Variants in GRIN2B observed in about 807,000 individuals in gnomAD.
The protein encoded by GRIN2B is glutamate ionotropic receptor NMDA type subunit 2B.
Under a neutral mutation model 114.5 loss-of-function variants are expected in GRIN2B, and 5 were observed. That is an observed-to-expected ratio of 0.04 (90% CI 0.02 to 0.09). The LOEUF (loss-of-function observed/expected upper bound fraction) is 0.09. Among genes scored for constraint, GRIN2B ranks in the 10% least tolerant of loss-of-function variants. The pLI, the probability that GRIN2B is intolerant of heterozygous loss-of-function variation, is 1.00. For synonymous variants in GRIN2B, 787 were observed against 745.1 expected (o/e 1.06, Z -0.92); for missense variants, 1,108 against 1,943.5 (o/e 0.57, Z 8.08).
intron 4 of GRIN2B, among the ~76,000 whole-genome samples, chr12:13,736,637 C>T (rs1238772450): frequency 1.3e-5 from 2 of 152,238 alleles, no homozygotes; most frequent in African/African-American, 4.8e-5. Flanking sequence ...ATCTCACTTA[C>T]ACTATCAGTC....
At chr12:13,823,525 T>G (rs1864976487) in intron 3 of GRIN2B, among the ~76,000 whole-genome samples, 2 of 152,152 alleles carry the variant, frequency 1.3e-5, no homozygotes, top group Non-Finnish European at 2.9e-5. Flanking sequence ...CTTGTAATCT[T>G]CCTAAATTCA....
At chr12:13,684,051 T>C (rs1045345170) in intron 4 of GRIN2B, among the ~76,000 whole-genome samples, 6 of 152,164 alleles carry the variant, frequency 3.9e-5, no homozygotes, top group African/African-American at 1.2e-4. Flanking sequence ...GTATATTCTC[T>C]CTCATTCCTA....
chr12:13,789,081 T>C (rs1165437795), intron 3 of GRIN2B, among the ~76,000 whole-genome samples: 2 of 151,916 alleles, frequency 1.3e-5, no homozygotes, highest in Admixed American at 6.6e-5. Context: ...TGTTGTTTTT[T>C]TTCCTATACA....
chr12:13,666,521 T>C (rs1470744874), intron 5 of GRIN2B, among the ~76,000 whole-genome samples: 2 of 152,186 alleles, frequency 1.3e-5, no homozygotes, highest in Non-Finnish European at 2.9e-5. Flanking sequence ...CTATGGCTGC[T>C]GTGGGAAATT....
chr12:13,654,177 C>T (rs1949842551), intron 5 of GRIN2B, among the ~76,000 whole-genome samples: 2 of 152,026 alleles, frequency 1.3e-5, no homozygotes, highest in African/African-American at 4.8e-5. Flanking sequence ...CGATGAAAGG[C>T]ATGACAGAAA....
intron 3 of GRIN2B, among the ~76,000 whole-genome samples, chr12:13,822,284 T>C (rs1370407688): frequency 2.0e-5 from 3 of 152,158 alleles, no homozygotes; most frequent in Admixed American, 2.0e-4. Flanking sequence ...CTGAACAATC[T>C]AACAGATTCT....
chr12:13,917,451 G>C (rs565574792), intron 2 of GRIN2B, among the ~76,000 whole-genome samples: 17 of 152,262 alleles, frequency 1.1e-4, no homozygotes, highest in Admixed American at 4.6e-4. Context: ...ACTTAAATAA[G>C]AGGCACTAAA....
In GRIN2B at chr12:13,746,436, G is replaced by A. The variant is rs140015344; in HGVS notation, c.1010+6881C>T. On this transcript the variant is annotated intron_variant, in intron 4 of 13. Coordinates refer to ENST00000609686, the MANE Select transcript of GRIN2B (RefSeq NM_000834.5). ...TCCACTGAGAGCCATTAACCTTCTC[G>A]GGTTTGCTTCTGCCTTCAAGACCAT... is the stretch of plus-strand genomic sequence containing the variant. Among the ~76,000 whole-genome samples, 1,065 of 152,070 alleles carry A rather than the reference G, an allele frequency of 7.0e-3. 13 individuals are homozygous for A. The highest frequency in any genetic ancestry group is 0.023 in the African/African-American group (969 of 41,470).
intron 5 of GRIN2B, among the ~76,000 whole-genome samples, chr12:13,674,259 C>T (rs1204784356): frequency 6.6e-6 from 1 of 152,026 alleles, no homozygotes; most frequent in Non-Finnish European, 1.5e-5. Context: ...ACTTGGGAGG[C>T]TGAGCTGGAA....
intron 3 of GRIN2B, among the ~76,000 whole-genome samples, chr12:13,845,198 T>A (rs971924548): frequency 1.3e-5 from 2 of 152,174 alleles, no homozygotes; most frequent in Non-Finnish European, 2.9e-5. Context: ...AGAATTTAGA[T>A]TATCCAAATT....
intron 3 of GRIN2B, among the ~76,000 whole-genome samples, chr12:13,780,310 T>A (rs1346387125): frequency 6.6e-6 from 1 of 152,228 alleles, no homozygotes; most frequent in African/African-American, 2.4e-5. Flanking sequence ...TCTCTTCATT[T>A]ACATAAGCAA....
At chr12:13,881,781 A>C (rs1866075857) in intron 2 of GRIN2B, among the ~76,000 whole-genome samples, 1 of 151,898 alleles carries the variant, frequency 6.6e-6, no homozygotes, top group Non-Finnish European at 1.5e-5. Flanking sequence ...CATTAGAATC[A>C]TTTTCTCCTG....
In GRIN2B at chr12:13,588,317, T is replaced by C. The variant is rs184335319; in HGVS notation, c.2011-16353A>G. On this transcript the variant is annotated intron_variant, in intron 10 of 13. Coordinates refer to ENST00000609686, the MANE Select transcript of GRIN2B (RefSeq NM_000834.5). Reference sequence around the variant, plus strand: ...AGGCTCCATCACTAGGCAGGTGAGATACTTAGTGAAAGGATAGACATGACC... The same window carrying C: ...AGGCTCCATCACTAGGCAGGTGAGACACTTAGTGAAAGGATAGACATGACC... Among the ~76,000 whole-genome samples the C allele has an allele frequency of 2.0e-4, 31 of 152,344 alleles. No individual in the cohort carries two copies. In the East Asian group the frequency reaches 4.2e-3, roughly 21 times the overall value.
chr12:13,643,013 G>T (rs530121639), intron 5 of GRIN2B, among the ~76,000 whole-genome samples: 3 of 152,092 alleles, frequency 2.0e-5, no homozygotes, highest in Non-Finnish European at 4.4e-5. Flanking sequence ...CCAATTAAAG[G>T]CCTCACCACA....
chr12:13,750,250 C>G (rs1863458906), intron 4 of GRIN2B, among the ~76,000 whole-genome samples: 1 of 152,208 alleles, frequency 6.6e-6, no homozygotes. Context: ...GCCTCTAGGA[C>G]TGAGTAGGGC....
chr12:13,913,283 G>T (rs776694684), intron 2 of GRIN2B, among the ~76,000 whole-genome samples: 25 of 152,104 alleles, frequency 1.6e-4, no homozygotes, highest in Non-Finnish European at 2.8e-4. Context: ...CAACACCCCT[G>T]ATGCCCTTCC....
chr12:13,646,361 T>C (rs1353073901), intron 5 of GRIN2B, among the ~76,000 whole-genome samples: 1 of 152,142 alleles, frequency 6.6e-6, no homozygotes, highest in Non-Finnish European at 1.5e-5. Context: ...ATAAAGGCAC[T>C]GACATTCCTT....
intron 2 of GRIN2B, among the ~76,000 whole-genome samples, chr12:13,962,056 A>G: frequency 6.8e-6 from 1 of 147,598 alleles, no homozygotes; most frequent in Non-Finnish European, 1.5e-5. Flanking sequence ...ATGGTTTTTC[A>G]TTTGTATTCT....
intron 5 of GRIN2B, among the ~76,000 whole-genome samples, chr12:13,644,039 T>C (rs1949742236): frequency 6.6e-6 from 1 of 152,170 alleles, no homozygotes; most frequent in African/African-American, 2.4e-5. Flanking sequence ...CCTCCTTCCA[T>C]GAATCACGAA....
Sources: allele counts gnomAD v4.1 joint callset (sites outside exome capture counted in the v4.1 genomes callset), GRCh38; gene constraint gnomAD v4.1.1; transcripts MANE v1.5; gene names NCBI Gene and HGNC (gene_info 2026-07-23, HGNC 2026-07-21).